The following XPA variants were observed in gnomAD, a reference collection of about 807,000 sequenced individuals.
The protein encoded by XPA is DNA repair protein complementing XP-A cells.
Under a neutral mutation model 35.7 loss-of-function variants are expected in XPA, and 27 were observed. That is an observed-to-expected ratio of 0.76 (90% CI 0.56 to 1.04). XPA has a LOEUF of 1.04. Among genes scored for constraint, XPA ranks in the 50% least tolerant of loss-of-function variants. XPA has a pLI of 0.00. For missense variants in XPA, 354 were observed against 342.7 expected (o/e 1.03, Z -0.26); for synonymous variants, 133 against 118.4 (o/e 1.12, Z -0.80).
intron 1 of XPA, among the ~76,000 whole-genome samples, chr9:97,694,685 G>A (rs1179598019): frequency 6.6e-6 from 1 of 152,138 alleles, no homozygotes; most frequent in Non-Finnish European, 1.5e-5. Context: ...TATAATCACC[G>A]TTTGGCAATA....
At chr9:97,660,984 G>A in the XPA span, 1 of 1,612,264 alleles carries the variant, frequency 6.2e-7, no homozygotes, top group African/African-American at 1.3e-5. Flanking sequence ...CTGTTTAGCT[G>A]TTGCCTTTAA....
chr9:97,663,588 G>A, the XPA span, among the ~76,000 whole-genome samples: 1 of 151,878 alleles, frequency 6.6e-6, no homozygotes, highest in South Asian at 2.1e-4. Context: ...GGGTTCAAGT[G>A]ATTCCCCTGC....
chr9:97,658,559 A>G, the XPA span: 4 of 1,063,170 alleles, frequency 3.8e-6, no homozygotes, highest in African/African-American at 1.6e-5. Flanking sequence ...GTTGGAGATC[A>G]TGACTTTCCA....
At chr9:97,683,968 A>C (rs1828626422) in intron 5 of XPA, among the ~76,000 whole-genome samples, 1 of 152,204 alleles carries the variant, frequency 6.6e-6, no homozygotes. Context: ...TATATACATA[A>C]AGTATGTGTT....
chr9:97,674,187 G>A (rs1309265560), downstream of XPA, among the ~76,000 whole-genome samples: 1 of 150,598 alleles, frequency 6.6e-6, no homozygotes. Context: ...TTATTCTGTT[G>A]TCATCATCTG....
chr9:97,657,420 T>C, the XPA span, among the ~76,000 whole-genome samples: 1 of 152,210 alleles, frequency 6.6e-6, no homozygotes, highest in Non-Finnish European at 1.5e-5. Context: ...ATATTTCTCA[T>C]GAGCAGACTG....
chr9:97,691,886 AATATATAT>A (rs55944336), intron 2 of XPA, among the ~76,000 whole-genome samples: 7 of 124,682 alleles, frequency 5.6e-5, no homozygotes, highest in African/African-American at 2.4e-4. Flanking sequence ...TTTCTAAATA[AATATATAT>A]ATATATATAT....
the XPA span, chr9:97,669,686 C>T: frequency 6.9e-6 from 11 of 1,601,756 alleles, no homozygotes; most frequent in African/African-American, 1.5e-4. Context: ...TATAGAGAGG[C>T]TGCAGCAGAT....
Position 97,697,325 on chromosome 9 carries a change from TC to T in XPA, c.-34del. On this transcript the variant is annotated 5_prime_UTR_variant, in exon 1 of 6. Transcript: ENST00000375128. ...CCACTCCGAGGACCTAGCTCCCAGC[TC>T]CACGCACGCGCACTGCACGCCGAGG... 6.3e-7 allele frequency: 1 copy of T among 1,596,076 alleles called. No homozygotes were observed. The highest frequency in any genetic ancestry group is 8.5e-7 in the Non-Finnish European group (1 of 1,178,764).
At chr9:97,669,022 T>C in the XPA span, 1 of 1,503,398 alleles carries the variant, frequency 6.7e-7, no homozygotes, top group Non-Finnish European at 9.0e-7. Context: ...AATACATTTC[T>C]TTAGTTTTAG....
At position 97,682,184 on chromosome 9, in the gene XPA, A is replaced by G. The variant is rs1466618823; in HGVS notation, c.673+2739T>C. 1.6e-5 allele frequency: 7 copies of G among 441,760 alleles called. No homozygotes were observed. The Admixed American group carries it at 1.6e-4, about 10-fold the overall frequency. 27.4% of individuals were successfully genotyped at this position (441,760 alleles called of 1,614,324 possible). On this transcript the variant is annotated intron_variant, in intron 5 of 5. Coordinates refer to ENST00000375128, the MANE Select transcript of XPA (RefSeq NM_000380.4). Reference sequence around the variant, plus strand: ...AGAAGATCATATTCTCAAAGCAGGTAAATATAATCTCTTACCTTCCCATAA... The same window carrying G: ...AGAAGATCATATTCTCAAAGCAGGTGAATATAATCTCTTACCTTCCCATAA...
At chr9:97,664,357 GGATAA>G in the XPA span, 1 of 1,610,320 alleles carries the variant, frequency 6.2e-7, no homozygotes, top group Non-Finnish European at 8.5e-7. Flanking sequence ...CTGTACTAGT[GGATAA>G]GATGATTCGT....
chr9:97,674,701 A>AGGCACTTAGGT (rs750873626), downstream of XPA, among the ~76,000 whole-genome samples: 87 of 152,230 alleles, frequency 5.7e-4, no homozygotes, highest in Non-Finnish European at 7.3e-4. Flanking sequence ...CATACTCCTA[A>AGGCACTTAGGT]GGCACTTAGG....
chr9:97,686,884 C>A (rs576144745), intron 4 of XPA, among the ~76,000 whole-genome samples: 2 of 152,032 alleles, frequency 1.3e-5, no homozygotes, highest in Non-Finnish European at 2.9e-5. Flanking sequence ...GCCTGAGTGA[C>A]AGAGTGAGAC....
At chr9:97,662,840 A>C in the XPA span, 1 of 744,192 alleles carries the variant, frequency 1.3e-6, no homozygotes, top group East Asian at 2.7e-5. Context: ...ATACTTAGTT[A>C]TTTTGCATTT....
At chr9:97,679,322 A>G (rs1172723999) in intron 5 of XPA, among the ~76,000 whole-genome samples, 2 of 152,252 alleles carry the variant, frequency 1.3e-5, no homozygotes, top group East Asian at 3.8e-4. Flanking sequence ...TGTTAACAGT[A>G]GGTAATCTGG....
rs1341475179 is a variant in XPA at position 97,683,331 on chromosome 9, G to A, written c.673+1592C>T. On this transcript the variant is annotated intron_variant, in intron 5 of 5. Coordinates refer to ENST00000375128, the MANE Select transcript of XPA (RefSeq NM_000380.4). ...AAGGACTGGTGTAAAGCACTGAAAA[G>A]ATTAAAGGGCCAAATTCATCAGAAC... Among the ~76,000 whole-genome samples, 4 of 152,270 alleles carry A rather than the reference G, an allele frequency of 2.6e-5. 1 individual carries two copies. In the East Asian group the frequency reaches 7.7e-4, roughly 29 times the overall value.
At chr9:97,670,790 TA>T (rs1564032168), downstream of XPA, among the ~76,000 whole-genome samples, 1 of 152,216 alleles carries the variant, frequency 6.6e-6, no homozygotes, top group African/African-American at 2.4e-5. Context: ...TAGTCCGTAA[TA>T]GTACTAGGAG....
downstream of XPA, among the ~76,000 whole-genome samples, chr9:97,674,013 A>G (rs1457785056): frequency 1.3e-5 from 2 of 151,640 alleles, no homozygotes; most frequent in East Asian, 1.9e-4. Flanking sequence ...AACTACTTCA[A>G]ACAGTCCTTT....
Sources: allele counts gnomAD v4.1 joint callset (sites outside exome capture counted in the v4.1 genomes callset), GRCh38; gene constraint gnomAD v4.1.1; transcripts MANE v1.5; gene names NCBI Gene and HGNC (gene_info 2026-07-23, HGNC 2026-07-21).